Variants in ISL1 observed in about 807,000 individuals in gnomAD.
ISL1 encodes the protein ISL LIM homeobox 1.
In ISL1, 4 loss-of-function variants were observed where a neutral mutation model predicts 35.3. That is an observed-to-expected ratio of 0.11 (90% CI 0.06 to 0.26). The LOEUF is 0.26. Ranked by LOEUF, ISL1 falls within the 10% of genes least tolerant of loss-of-function variation. ISL1 has a pLI of 1.00. For missense variants in ISL1, 340 were observed against 472.8 expected, an observed-to-expected ratio of 0.72 and a Z score of 2.60; for synonymous variants, 186 against 172.3, an observed-to-expected ratio of 1.08 and a Z score of -0.62.
chr5:51,392,760 G>A (rs1257708657), intron 5 of ISL1, among the ~76,000 whole-genome samples: 3 of 152,176 alleles, frequency 2.0e-5, no homozygotes, highest in African/African-American at 7.2e-5. Context: ...AGCAGTGGAA[G>A]GGAAGCTGAG....
intron 5 of ISL1, among the ~76,000 whole-genome samples, chr5:51,392,910 T>A (rs1430248961): frequency 6.6e-6 from 1 of 152,142 alleles, no homozygotes; most frequent in Non-Finnish European, 1.5e-5. Flanking sequence ...TCATAATATA[T>A]GGGTCTCATT....
In ISL1 at chr5:51,387,944, C is replaced by A. The variant is rs1054924292; in HGVS notation, c.478+195C>A. Among the ~76,000 whole-genome samples the A allele has an allele frequency of 6.6e-6, 1 of 152,264 alleles. No homozygotes were observed. Among genetic ancestry groups the A allele is most frequent in the Non-Finnish European group, 1.5e-5 (1 of 68,048 alleles). ...AATGCACTCACTGTCTCCCTTGATT[C>A]CCCGAGCACACCTACACCGTCTGTG... is the stretch of plus-strand genomic sequence containing the variant. On this transcript the variant is annotated intron_variant, in intron 3 of 5. Coordinates refer to ENST00000230658, the MANE Select transcript of ISL1 (RefSeq NM_002202.3). The surrounding 1 kb of genome is among the most constrained non-coding windows in gnomAD (Gnocchi z 4.3).
Position 51,393,830 on chromosome 5 carries a change from C to T in ISL1, c.*220C>T, listed in dbSNP as rs553178765. On this transcript the variant is annotated 3_prime_UTR_variant, in exon 6 of 6. Transcript: ENST00000230658. ...TACTAGAATTAAACAACAAACAAAA[C>T]GCAAAACCCAGTATATGCTATTCAA... The T allele has an allele frequency of 9.4e-5, 56 of 593,032 alleles. No homozygotes were observed. The highest frequency in any genetic ancestry group is 5.6e-4 in the Admixed American group (20 of 35,752). The allele number at this position is 593,032 out of a possible 1,614,324, so 36.7% of individuals were successfully genotyped here.
At position 51,392,730 on chromosome 5, in the gene ISL1, A is replaced by T. The variant is rs116662206; in HGVS notation, c.934-764A>T. ...GGCAGCCAAATGTTTGCACTTTCTG[A>T]AACTTTAGTGTCAGATGAGAGCAGT... On this transcript the variant is annotated intron_variant, in intron 5 of 5. Transcript: ENST00000230658. Among the ~76,000 whole-genome samples, 117 of 152,302 alleles carry T rather than the reference A, an allele frequency of 7.7e-4. 1 individual carries two copies. The highest frequency in any genetic ancestry group is 2.8e-3 in the African/African-American group (115 of 41,560).
chr5:51,386,404 G>A (rs1156664542), intron 2 of ISL1: 4 of 364,486 alleles, frequency 1.1e-5, no homozygotes, highest in East Asian at 1.5e-4. Context: ...GTGTGTGTGT[G>A]TGTGTGTGTA....
rs1470500403 is a variant in ISL1, at chr5:51,387,577, C to T, written c.306C>T (p.Ile102=). The change falls in exon 3 of 6, where the codon ATC becomes ATT. Residue 102 remains isoleucine, a synonymous_variant. Transcript: ENST00000230658. The surrounding 1 kb of genome is among the most constrained non-coding windows in gnomAD (Gnocchi z 4.3). The part of the protein sequence containing the change: ...VMRARSKVYH[I]ECFRCVACSR... ...GTGCCCGCTCCAAGGTGTATCACAT[C>T]GAGTGTTTCCGCTGTGTGGCCTGCA... 6 of 1,614,128 alleles carry T rather than the reference C, an allele frequency of 3.7e-6. No homozygotes were observed. The African/African-American group carries it at 6.7e-5, about 18-fold the overall frequency.
At chr5:51,384,430 AG>A (rs1747294239) in intron 1 of ISL1, 110 bp from the exon 2 acceptor site, 4 of 934,274 alleles carry the variant, frequency 4.3e-6, no homozygotes, top group African/African-American at 1.7e-5. Context: ...AAAGAAAGAA[AG>A]AAAGAAAAAA....
chr5:51,389,749 C>T lies in ISL1; in HGVS notation c.582C>T (p.His194=), dbSNP rs766791220. ...CTGTGCTGAACGAGAAGCAGCTGCA[C>T]ACCTTGCGGACCTGCTACGCCGCAA... ...VRTVLNEKQL[H]TLRTCYAANP... Residue 194 remains histidine (H), a synonymous_variant, in exon 4 of 6, where the codon CAC becomes CAT. Coordinates refer to ENST00000230658, the MANE Select transcript of ISL1 (RefSeq NM_002202.3). This position sits in a 1 kb window ranked among gnomAD's most constrained non-coding sequence, Gnocchi z 5.0. 44 of 1,614,080 alleles carry T rather than the reference C, an allele frequency of 2.7e-5. No individual in the cohort carries two copies. The highest frequency in any genetic ancestry group is 2.5e-4 in the Admixed American group (15 of 60,014).
At chr5:51,391,940 A>G (rs952548649) in intron 5 of ISL1, among the ~76,000 whole-genome samples, 6 of 152,208 alleles carry the variant, frequency 3.9e-5, no homozygotes, top group African/African-American at 1.4e-4. Flanking sequence ...TTATCAATAA[A>G]CAGCAGGCAT....
At position 51,387,435 on chromosome 5, in the gene ISL1, T is replaced by G; in HGVS notation, c.219-55T>G. On this transcript the variant is annotated intron_variant, in intron 2 of 5. Coordinates refer to ENST00000230658, the MANE Select transcript of ISL1 (RefSeq NM_002202.3). The surrounding 1 kb of genome is among the most constrained non-coding windows in gnomAD (Gnocchi z 4.3). The stretch of plus-strand genomic sequence containing the variant: ...GTGCCGGCCTGAAGTGACCCCCTCT[T>G]CCTGTACTTCTCTCCCCGCTCTGGG... The G allele has an allele frequency of 6.2e-7, 1 of 1,600,154 alleles. No individual in the cohort carries two copies. The highest frequency in any genetic ancestry group is 8.5e-7 in the Non-Finnish European group (1 of 1,171,950).
In ISL1 at chr5:51,387,471, T is replaced by TC. The variant is rs776087920; in HGVS notation, c.219-13dup. 2 of 1,613,188 alleles carry TC rather than the reference T, an allele frequency of 1.2e-6. No homozygotes were observed. Among genetic ancestry groups the TC allele is most frequent in the African/African-American group, 1.3e-5 (1 of 74,892 alleles). On this transcript the variant is annotated intron_variant, in intron 2 of 5. Coordinates refer to ENST00000230658, the MANE Select transcript of ISL1 (RefSeq NM_002202.3). This position sits in a 1 kb window ranked among gnomAD's most constrained non-coding sequence, Gnocchi z 4.3. ...TCTCCCCGCTCTGGGCCGCCTCCGC[T>TC]CCCCCCTCCCCCGCACAGGTTGTAC...
chr5:51,383,465 A>G lies in ISL1; in HGVS notation c.-207A>G. The G allele has an allele frequency of 1.6e-6, 1 of 620,974 alleles. No individual in the cohort carries two copies. The highest frequency in any genetic ancestry group is 2.7e-5 in the East Asian group (1 of 36,546). The allele number at this position is 620,974 out of a possible 1,614,324, so 38.5% of individuals were successfully genotyped here. ...GCCGCGCCGAGTCTGCCGCCGCCGC[A>G]GCGCCTCCGCTCCGCCAACTCCGCC... is the stretch of plus-strand genomic sequence containing the variant. On this transcript the variant is annotated 5_prime_UTR_variant, in exon 1 of 6. Coordinates refer to ENST00000230658, the MANE Select transcript of ISL1 (RefSeq NM_002202.3).
At chr5:51,390,873 G>T (rs1243494843) in intron 4 of ISL1, among the ~76,000 whole-genome samples, 2 of 151,360 alleles carry the variant, frequency 1.3e-5, no homozygotes, top group Non-Finnish European at 2.9e-5. Context: ...GAAAAAATCT[G>T]CAGCTAACTG....
Position 51,393,545 on chromosome 5 carries a change from G to A in ISL1, c.985G>A (p.Ala329Thr), listed in dbSNP as rs199961324. The change falls in exon 6 of 6, where the codon GCA (alanine) becomes ACA (threonine). Residue 329 changes from alanine (A) to threonine (T), a missense_variant. Physicochemically the swap from Ala to Thr is moderately conservative, Grantham distance 58 (BLOSUM62 0). Transcript: ENST00000230658. ...CTCTAATTCCACTGGCAGTGAAGTA[G>A]CATCAATGTCCTCTCAACTTCCAGA... ...PGSNSTGSEV[A>T]SMSSQLPDTP... The A allele has an allele frequency of 1.6e-4, 262 of 1,613,896 alleles. No homozygotes were observed. Among genetic ancestry groups the A allele is most frequent in the Non-Finnish European group, 2.0e-4 (240 of 1,179,882 alleles).
chr5:51,384,813 G>A (rs938032865), intron 2 of ISL1, 83 bp downstream of exon 2: 3 of 1,364,724 alleles, frequency 2.2e-6, no homozygotes, highest in Non-Finnish European at 2.1e-6. Flanking sequence ...GTGTGGCTTT[G>A]TCTTTTTGTG....
chr5:51,383,622 C>A lies in ISL1; in HGVS notation c.-50C>A, dbSNP rs1222247724. 1.3e-5 allele frequency: 19 copies of A among 1,484,254 alleles called. No homozygotes were observed. The highest frequency in any genetic ancestry group is 1.8e-5 in the Non-Finnish European group (19 of 1,061,472). 91.9% of individuals were successfully genotyped at this position (1,484,254 alleles called of 1,614,324 possible). ...CAGCATCCTCTCTGTGGGCTGTTCA[C>A]CAACTGTACAACCACCATTTCACTG... On this transcript the variant is annotated 5_prime_UTR_variant, in exon 1 of 6. Coordinates refer to ENST00000230658, the MANE Select transcript of ISL1 (RefSeq NM_002202.3).
Position 51,384,392 on chromosome 5 carries a change from G to C in ISL1, c.29-149G>C. 9 of 652,902 alleles carry C rather than the reference G, an allele frequency of 1.4e-5. No individual in the cohort carries two copies. The South Asian group carries it at 1.7e-4, about 12-fold the overall frequency. The allele number at this position is 652,902 out of a possible 1,614,324, so 40.4% of individuals were successfully genotyped here. ...GGCACATTTCAATTACCATCCCAAA[G>C]TGCAATGCTCTAAAAAAAAAAAAAA... On this transcript the variant is annotated intron_variant, in intron 1 of 5. Coordinates refer to ENST00000230658, the MANE Select transcript of ISL1 (RefSeq NM_002202.3).
At position 51,391,327 on chromosome 5, in the gene ISL1, C is replaced by G. The variant is rs373703337; in HGVS notation, c.819C>G (p.His273Gln). The G allele has an allele frequency of 3.1e-6, 5 of 1,613,750 alleles. No homozygotes were observed. Among genetic ancestry groups the G allele is most frequent in the Non-Finnish European group, 4.2e-6 (5 of 1,180,018 alleles). Residue 273 changes from histidine (H) to glutamine (Q), a missense_variant, in exon 5 of 6, where the codon CAC becomes CAG. Physicochemically the swap from His to Gln is conservative, Grantham distance 24. This residue lies in a region of ISL1 where 104 missense variants were observed against 97.3 expected (regional missense o/e 1.07). Coordinates refer to ENST00000230658, the MANE Select transcript of ISL1 (RefSeq NM_002202.3). ...TPMVAASPER[H>Q]DGGLQANPVE... Reference sequence around the variant, plus strand: ...TGGTGGCTGCCAGTCCAGAGAGACACGACGGTGGCTTACAGGCTAACCCAG... The same window carrying G: ...TGGTGGCTGCCAGTCCAGAGAGACAGGACGGTGGCTTACAGGCTAACCCAG...
chr5:51,389,151 C>T lies in ISL1; in HGVS notation c.479-495C>T, dbSNP rs1172629968. 2.0e-5 allele frequency among the ~76,000 whole-genome samples: 3 copies of T among 152,222 alleles called. No homozygotes were observed. The highest frequency in any genetic ancestry group is 2.0e-4 in the East Asian group (1 of 5,124). ...TTATGGCTGTCACTGAAGTGCTCTG[C>T]GTTCCTTTCCCTGGTACCCTCTGTG... On this transcript the variant is annotated intron_variant, in intron 3 of 5. Transcript: ENST00000230658. The surrounding 1 kb of genome is among the most constrained non-coding windows in gnomAD (Gnocchi z 5.0).
Sources: gnomAD v4.1 joint callset for allele counts (sites outside exome capture counted in the v4.1 genomes callset) on GRCh38, gnomAD v4.1.1 for gene constraint, gnomAD v4.1.1 regional missense constraint, Gnocchi (gnomAD v3.1) non-coding constraint, MANE v1.5 for transcripts, NCBI Gene and HGNC (gene_info 2026-07-23, HGNC 2026-07-21) for gene names.